CCSER1: variants seen among roughly 807,000 people sequenced by gnomAD.
The protein encoded by CCSER1 is serine-rich coiled-coil domain-containing protein 1.
CCSER1 carries 41 observed loss-of-function variants against 82.0 expected under a neutral mutation model. The observed-to-expected ratio is 0.50, with a 90% CI of 0.39 to 0.65. CCSER1 has a LOEUF of 0.65. CCSER1 is among the 30% of genes least tolerant of loss of function. The pLI is 0.00. For synonymous variants in CCSER1, 414 were observed against 383.9 expected (o/e 1.08, Z -0.92); for missense variants, 1,119 against 1,064.2 (o/e 1.05, Z -0.72).
intron 1 of CCSER1, among the ~76,000 whole-genome samples, chr4:90,203,965 T>C (rs1263746014): frequency 1.3e-5 from 2 of 152,364 alleles, no homozygotes; most frequent in Admixed American, 6.5e-5. Flanking sequence ...TTTTTTCCTA[T>C]GTTTGTTGGC....
chr4:90,555,200 A>G (rs1427904401), intron 5 of CCSER1, among the ~76,000 whole-genome samples: 1 of 152,170 alleles, frequency 6.6e-6, no homozygotes, highest in Non-Finnish European at 1.5e-5. Flanking sequence ...TAGCATTTAC[A>G]TAGGAACGTT....
intron 1 of CCSER1, among the ~76,000 whole-genome samples, chr4:90,285,651 G>C (rs116367300): frequency 0.011 from 1,634 of 152,010 alleles, 15 homozygotes; most frequent in African/African-American, 0.023. Context: ...TTGTCTAATT[G>C]CTCTGGCTAG....
At chr4:91,097,193 G>A (rs1038310325) in intron 10 of CCSER1, among the ~76,000 whole-genome samples, 1 of 152,122 alleles carries the variant, frequency 6.6e-6, no homozygotes, top group Non-Finnish European at 1.5e-5. Flanking sequence ...CACATGATAT[G>A]TGACTTTATA....
At chr4:91,032,322 G>C (rs1452802049) in intron 9 of CCSER1, among the ~76,000 whole-genome samples, 1 of 152,122 alleles carries the variant, frequency 6.6e-6, no homozygotes, top group East Asian at 1.9e-4. Flanking sequence ...TATCATGCTA[G>C]AATAAATAAT....
chr4:90,704,996 C>A (rs142923744), intron 6 of CCSER1, among the ~76,000 whole-genome samples: 1,729 of 152,318 alleles, frequency 0.011, 34 homozygotes, highest in African/African-American at 0.038. Context: ...CTCCATCCAG[C>A]TTTGTTCCAC....
intron 10 of CCSER1, chr4:91,112,463 A>G (rs1036619203): frequency 1.3e-5 from 2 of 152,148 alleles, no homozygotes; most frequent in Non-Finnish European, 2.9e-5. Flanking sequence ...TTGTACAGAG[A>G]CAGTGAATTG....
At position 91,011,673 on chromosome 4, in the gene CCSER1, T is replaced by C. The variant is rs1304678171; in HGVS notation, c.2173-74277T>C. ...CAGTTCTGGGGAGGAAAGGGAGATT[T>C]GGGCCCAAGGAGCAAGGTGTAGCTG... On this transcript the variant is annotated intron_variant, in intron 9 of 10. Transcript: ENST00000509176. 1.5e-5 allele frequency among the ~76,000 whole-genome samples: 2 copies of C among 134,292 alleles called. 1 individual carries two copies. The highest frequency in any genetic ancestry group is 3.5e-5 in the Non-Finnish European group (2 of 57,626). The allele number at this position is 134,292 out of a possible 152,430, so 88.1% of individuals were successfully genotyped here. A position where few individuals can be genotyped will look rare whatever the true frequency, so the allele number is the denominator to read the frequency against.
chr4:90,784,554 C>T (rs932494816), intron 7 of CCSER1, among the ~76,000 whole-genome samples: 1 of 152,112 alleles, frequency 6.6e-6, no homozygotes, highest in Non-Finnish European at 1.5e-5. Flanking sequence ...CTTTGAAATG[C>T]TTCCCAGATG....
chr4:91,312,240 T>C (rs374827211), intron 10 of CCSER1, among the ~76,000 whole-genome samples: 2 of 151,770 alleles, frequency 1.3e-5, no homozygotes, highest in East Asian at 2.0e-4. Flanking sequence ...AGTTATAATA[T>C]ATAAGATAAT....
At chr4:90,880,607 A>G (rs1248557293) in intron 8 of CCSER1, among the ~76,000 whole-genome samples, 2 of 152,150 alleles carry the variant, frequency 1.3e-5, no homozygotes, top group African/African-American at 4.8e-5. Flanking sequence ...GGCTCTGTCC[A>G]GGGAGTTGCC....
intron 8 of CCSER1, among the ~76,000 whole-genome samples, chr4:90,883,808 A>T (rs1580920455): frequency 6.6e-6 from 1 of 152,296 alleles, no homozygotes; most frequent in East Asian, 1.9e-4. Context: ...GGGTGAAATT[A>T]AACATAACAA....
At chr4:90,591,709 A>G (rs1357574784) in intron 5 of CCSER1, among the ~76,000 whole-genome samples, 1 of 152,182 alleles carries the variant, frequency 6.6e-6, no homozygotes, top group Non-Finnish European at 1.5e-5. Flanking sequence ...GTTATAAATC[A>G]TTCTACTATA....
chr4:90,188,375 A>T (rs1176600313), intron 1 of CCSER1, among the ~76,000 whole-genome samples: 1 of 151,954 alleles, frequency 6.6e-6, no homozygotes, highest in Non-Finnish European at 1.5e-5. Flanking sequence ...TAAGACTTTA[A>T]TGTAGCTTCT....
chr4:90,254,574 C>T (rs1010650113), intron 1 of CCSER1, among the ~76,000 whole-genome samples: 3 of 152,082 alleles, frequency 2.0e-5, no homozygotes, highest in Non-Finnish European at 4.4e-5. Context: ...GGAGCTTCAG[C>T]AGCAATGGGC....
At chr4:90,967,456 A>T (rs978344057) in intron 9 of CCSER1, among the ~76,000 whole-genome samples, 4 of 151,990 alleles carry the variant, frequency 2.6e-5, no homozygotes, top group African/African-American at 9.7e-5. Context: ...CTCAAAGAAA[A>T]AAAAAAGTAT....
At chr4:90,594,433 T>C (rs1291524182) in intron 5 of CCSER1, among the ~76,000 whole-genome samples, 1 of 152,112 alleles carries the variant, frequency 6.6e-6, no homozygotes, top group African/African-American at 2.4e-5. Context: ...CCCTGTGTGA[T>C]TCTAGTGCCC....
At chr4:90,808,055 T>C (rs1359358109) in intron 7 of CCSER1, among the ~76,000 whole-genome samples, 1 of 152,104 alleles carries the variant, frequency 6.6e-6, no homozygotes, top group Non-Finnish European at 1.5e-5. Flanking sequence ...ACATAGACCA[T>C]TGGAACAGAA....
At chr4:91,287,313 T>C (rs1396066893) in intron 10 of CCSER1, among the ~76,000 whole-genome samples, 1 of 152,126 alleles carries the variant, frequency 6.6e-6, no homozygotes, top group East Asian at 1.9e-4. Flanking sequence ...GTTTTTGTAC[T>C]GTGCCTTCTG....
intron 6 of CCSER1, among the ~76,000 whole-genome samples, chr4:90,655,742 T>C (rs546151445): frequency 3.9e-5 from 6 of 152,138 alleles, no homozygotes; most frequent in Admixed American, 3.9e-4. Context: ...AGTAAACATG[T>C]ATGTGTGCAT....
Sources: gnomAD v4.1 joint callset for allele counts (sites outside exome capture counted in the v4.1 genomes callset) on GRCh38, gnomAD v4.1.1 for gene constraint, MANE v1.5 for transcripts, NCBI Gene and HGNC (gene_info 2026-07-23, HGNC 2026-07-21) for gene names.